The following HHIPL2 variants were observed in gnomAD, a reference collection of about 807,000 sequenced individuals.
HHIPL2 encodes the protein HHIP like 2.
In HHIPL2, 61 loss-of-function variants were observed where a neutral mutation model predicts 61.0. The ratio of observed to expected loss-of-function variants is 1.00; its 90% confidence interval spans 0.81 to 1.24. The LOEUF (loss-of-function observed/expected upper bound fraction) is 1.24, where lower values mean the gene tolerates loss of function less well. HHIPL2 is among the 50% of genes most tolerant of loss of function. The probability of loss-of-function intolerance (pLI) is 0.00; values close to 1 mark genes in which losing one functional copy is unlikely to be tolerated. For synonymous variants in HHIPL2, 343 were observed against 357.4 expected (o/e 0.96, Z 0.45); for missense variants, 885 against 910.2 (o/e 0.97, Z 0.36).
intron 7 of HHIPL2, 74 bp from the exon 8 acceptor site, chr1:222,523,768 G>T: frequency 7.1e-7 from 1 of 1,401,938 alleles, no homozygotes; most frequent in Non-Finnish European, 1.0e-6. Context: ...TTACCAGAGG[G>T]CGTATATTTG....
intron 6 of HHIPL2, among the ~76,000 whole-genome samples, chr1:222,528,884 A>G (rs972414816): frequency 6.7e-6 from 1 of 149,122 alleles, no homozygotes; most frequent in Non-Finnish European, 1.5e-5. Context: ...GTAGCTGCAC[A>G]ATCACAGCTC....
chr1:222,541,255 A>G (rs1659426013), intron 3 of HHIPL2, among the ~76,000 whole-genome samples: 1 of 152,190 alleles, frequency 6.6e-6, no homozygotes, highest in South Asian at 2.1e-4. Context: ...ATAGAAGCCA[A>G]GTGCTTACTG....
intron 6 of HHIPL2, among the ~76,000 whole-genome samples, chr1:222,530,981 T>C (rs1026273057): frequency 6.6e-6 from 1 of 152,174 alleles, no homozygotes; most frequent in Non-Finnish European, 1.5e-5. Context: ...ACATAACTTA[T>C]GTAAAGCTGA....
intron 1 of HHIPL2, among the ~76,000 whole-genome samples, chr1:222,546,134 GATT>G (rs753952993): frequency 1.2e-4 from 18 of 152,318 alleles, no homozygotes; most frequent in Non-Finnish European, 2.4e-4. Context: ...TCTCTACATT[GATT>G]GGGATGCAGC....
chr1:222,524,574 C>T (rs562961330), intron 7 of HHIPL2, among the ~76,000 whole-genome samples: 108 of 152,306 alleles, frequency 7.1e-4, no homozygotes, highest in Admixed American at 2.3e-3. Context: ...GGCTAAGAAA[C>T]AGGCCCAAGG....
intron 6 of HHIPL2, among the ~76,000 whole-genome samples, chr1:222,530,724 CT>C (rs72005037): frequency 0.45 from 67,762 of 150,988 alleles, 15,792 homozygotes; most frequent in East Asian, 0.66. Flanking sequence ...TATAGAGAAT[CT>C]TTTTTTTTAA....
intron 3 of HHIPL2, among the ~76,000 whole-genome samples, chr1:222,541,381 C>T (rs1261022190): frequency 1.3e-5 from 2 of 152,114 alleles, no homozygotes; most frequent in African/African-American, 2.4e-5. Flanking sequence ...CATTGTACGA[C>T]CTCTGTGTCT....
At chr1:222,544,214 C>G (rs1341972912) in intron 1 of HHIPL2, 25 bp from the exon 2 acceptor site, 1 of 1,593,412 alleles carries the variant, frequency 6.3e-7, no homozygotes, top group Non-Finnish European at 8.5e-7. Flanking sequence ...GGAGCTCAGG[C>G]TCAGCATCAG....
chr1:222,528,643 T>A (rs1659121058), intron 6 of HHIPL2, among the ~76,000 whole-genome samples: 5 of 152,156 alleles, frequency 3.3e-5, no homozygotes, highest in African/African-American at 1.2e-4. Flanking sequence ...ATAATCGTAG[T>A]TATTTTTACT....
In HHIPL2 at chr1:222,531,638, C is replaced by T. The variant is rs1385065375; in HGVS notation, c.1723+328G>A. ...TGGCGGGCGCCTGTAGTCCCAGCTACTTGGGAGGCTGAGGCAGGAGAATTG... is the reference window on the plus strand; with the variant it reads ...TGGCGGGCGCCTGTAGTCCCAGCTATTTGGGAGGCTGAGGCAGGAGAATTG... On this transcript the variant is annotated intron_variant, in intron 6 of 8. Transcript: ENST00000343410. Among the ~76,000 whole-genome samples, 4 of 151,944 alleles carry T rather than the reference C, an allele frequency of 2.6e-5. 1 individual carries two copies. Among genetic ancestry groups the T allele is most frequent in the Admixed American group, 2.6e-4 (4 of 15,256 alleles).
intron 5 of HHIPL2, among the ~76,000 whole-genome samples, chr1:222,533,309 G>C (rs1325270359): frequency 6.6e-6 from 1 of 151,062 alleles, no homozygotes; most frequent in Non-Finnish European, 1.5e-5. Context: ...AGGTTGCGGT[G>C]AGCCGAGATT....
chr1:222,543,992 G>A lies in HHIPL2; in HGVS notation c.519C>T (p.Asp173=). Reference sequence around the variant, plus strand: ...GGAAGCAATAGTCCTTGTCAGGAAGGTCCAGGAGGTGGCAGAAGCGGGTAC... The same window carrying A: ...GGAAGCAATAGTCCTTGTCAGGAAGATCCAGGAGGTGGCAGAAGCGGGTAC... ...RDGTRFCHLL[D]LPDKDYCFPN... The change falls in exon 2 of 9, where the codon GAC becomes GAT. Residue 173 remains aspartate (D), a synonymous_variant. Coordinates refer to ENST00000343410, the MANE Select transcript of HHIPL2 (RefSeq NM_024746.4). 6.2e-7 allele frequency: 1 copy of A among 1,614,184 alleles called. No homozygotes were observed. The highest frequency in any genetic ancestry group is 1.3e-5 in the African/African-American group (1 of 75,032).
At chr1:222,535,878 T>C (rs1659292054) in intron 5 of HHIPL2, among the ~76,000 whole-genome samples, 1 of 152,048 alleles carries the variant, frequency 6.6e-6, no homozygotes, top group Non-Finnish European at 1.5e-5. Flanking sequence ...AATTGGAAAC[T>C]TAATAGCACA....
At position 222,543,766 on chromosome 1, in the gene HHIPL2, T is replaced by C. The variant is rs1313248002; in HGVS notation, c.745A>G (p.Ser249Gly). The change falls in exon 2 of 9, where the codon AGT becomes GGT. Residue 249 changes from serine (S) to glycine (G), a missense_variant. By Grantham distance (56) the Ser-to-Gly change is moderately conservative (BLOSUM62 0). Coordinates refer to ENST00000343410, the MANE Select transcript of HHIPL2 (RefSeq NM_024746.4). ...GVVWVYLPDG[S>G]RLEQPFLDLK... Reference sequence around the variant, plus strand: ...TCCAGGAAGGGTTGCTCCAGGCGACTCCCATCAGGGAGGTAGACCCACACC... The same window carrying C: ...TCCAGGAAGGGTTGCTCCAGGCGACCCCCATCAGGGAGGTAGACCCACACC... 48 of 1,614,014 alleles carry C rather than the reference T, an allele frequency of 3.0e-5. No homozygotes were observed. Among genetic ancestry groups the C allele is most frequent in the Non-Finnish European group, 3.8e-5 (45 of 1,180,026 alleles).
chr1:222,533,102 T>A (rs1304180121), intron 5 of HHIPL2, among the ~76,000 whole-genome samples: 1 of 152,190 alleles, frequency 6.6e-6, no homozygotes, highest in Non-Finnish European at 1.5e-5. Flanking sequence ...CAGTGGCTTA[T>A]GCCTGTAATC....
At chr1:222,536,019 T>C (rs1176930833) in intron 5 of HHIPL2, among the ~76,000 whole-genome samples, 1 of 152,100 alleles carries the variant, frequency 6.6e-6, no homozygotes, top group African/African-American at 2.4e-5. Context: ...GGGAAATTTA[T>C]AGCACTAAAC....
chr1:222,536,139 AAG>A (rs1659298167), intron 5 of HHIPL2, among the ~76,000 whole-genome samples: 1 of 151,948 alleles, frequency 6.6e-6, no homozygotes, highest in African/African-American at 2.4e-5. Context: ...AGGAAGAAAA[AAG>A]AGAAGAAATC....
intron 7 of HHIPL2, 53 bp downstream of exon 7, chr1:222,526,916 G>A: frequency 1.4e-6 from 2 of 1,433,504 alleles, no homozygotes; most frequent in African/African-American, 1.4e-5. Flanking sequence ...GCCTGCCATG[G>A]AGATAAGAAA....
At position 222,532,130 on chromosome 1, in the gene HHIPL2, CT is replaced by C. The variant is rs1226699239; in HGVS notation, c.1578-20del. 1 of 1,604,270 alleles carries C rather than the reference CT, an allele frequency of 6.2e-7. No individual in the cohort carries two copies. The highest frequency in any genetic ancestry group is 8.5e-7 in the Non-Finnish European group (1 of 1,175,246). On this transcript the variant is annotated intron_variant, in intron 5 of 8. Coordinates refer to ENST00000343410, the MANE Select transcript of HHIPL2 (RefSeq NM_024746.4). ...AAGTCGACTAGACAAAAAATAAACCCTTATGTTTAGGAATCCATATATCCAC... is the reference window on the plus strand; with the variant it reads ...AAGTCGACTAGACAAAAAATAAACCCTATGTTTAGGAATCCATATATCCAC...
Sources: allele counts gnomAD v4.1 joint callset (sites outside exome capture counted in the v4.1 genomes callset), GRCh38; gene constraint gnomAD v4.1.1; transcripts MANE v1.5; gene names NCBI Gene and HGNC (gene_info 2026-07-23, HGNC 2026-07-21).